Variants in CHEK2 observed in about 807,000 individuals in gnomAD.
CHEK2 encodes the protein serine/threonine-protein kinase Chk2.
In CHEK2, 71 loss-of-function variants were observed where a neutral mutation model predicts 69.1. That is an observed-to-expected ratio of 1.03 (90% CI 0.85 to 1.25). The LOEUF is 1.25. Ranked by LOEUF, CHEK2 falls within the 50% of genes most tolerant of loss-of-function variation. The pLI, the probability that CHEK2 is intolerant of heterozygous loss-of-function variation, is 0.00. For missense variants in CHEK2, 664 were observed against 649.6 expected (o/e 1.02, Z -0.24); for synonymous variants, 189 against 226.9 (o/e 0.83, Z 1.50).
chr22:28,716,552 A>T (rs1368026620), intron 5 of CHEK2, among the ~76,000 whole-genome samples: 1 of 152,202 alleles, frequency 6.6e-6, no homozygotes, highest in African/African-American at 2.4e-5. Flanking sequence ...CAGTGCAAAT[A>T]TGGAAACACA....
chr22:28,734,424 G>T lies in CHEK2; in HGVS notation c.298C>A (p.Gln100Lys), dbSNP rs2054311767. 1 of 1,613,954 alleles carries T rather than the reference G, an allele frequency of 6.2e-7. No homozygotes were observed. Among genetic ancestry groups the T allele is most frequent in the South Asian group, 1.1e-5 (1 of 91,074 alleles). Reference protein sequence around the residue: ...PAPWARLWALQDGFANLECVN... With the variant: ...PAPWARLWALKDGFANLECVN... ...TTACCAAGATTGGCAAATCCATCCTGAAGGGCCCATAATCGAGCCCAGGGG... is the reference window on the plus strand; with the variant it reads ...TTACCAAGATTGGCAAATCCATCCTTAAGGGCCCATAATCGAGCCCAGGGG... Residue 100 changes from glutamine to lysine, a missense_variant, in exon 2 of 15, where the codon CAG becomes AAG. Physicochemically the swap from Gln to Lys is moderately conservative, Grantham distance 53 (BLOSUM62 1). Coordinates refer to ENST00000404276, the MANE Select transcript of CHEK2 (RefSeq NM_007194.4).
At chr22:28,704,114 A>G (rs1167087240) in intron 7 of CHEK2, among the ~76,000 whole-genome samples, 1 of 93,910 alleles carries the variant, frequency 1.1e-5, no homozygotes, top group Non-Finnish European at 2.1e-5. Context: ...AGAGAGAGAG[A>G]CAGACAGACA....
At chr22:28,705,016 T>C (rs1054543181) in intron 7 of CHEK2, among the ~76,000 whole-genome samples, 3 of 151,570 alleles carry the variant, frequency 2.0e-5, no homozygotes, top group Non-Finnish European at 4.4e-5. Context: ...TCAAAGAGTA[T>C]GATACAAGTT....
At chr22:28,733,411 G>C (rs2054275547) in intron 2 of CHEK2, among the ~76,000 whole-genome samples, 2 of 152,162 alleles carry the variant, frequency 1.3e-5, no homozygotes, top group Admixed American at 6.6e-5. Context: ...ACAGCACATT[G>C]TAAATGTCCA....
At chr22:28,703,643 C>A (rs2052989269) in intron 7 of CHEK2, 77 bp from the exon 8 acceptor site, 1 of 922,652 alleles carries the variant, frequency 1.1e-6, no homozygotes, top group Non-Finnish European at 1.7e-6. Flanking sequence ...AGAACATCTG[C>A]CCAGAGGGAC....
chr22:28,703,994 A>C (rs2053002943), intron 7 of CHEK2, among the ~76,000 whole-genome samples: 1 of 152,158 alleles, frequency 6.6e-6, no homozygotes, highest in Non-Finnish European at 1.5e-5. Context: ...GCTCTGGGCA[A>C]CTGGAACCTC....
chr22:28,720,960 C>T (rs930486372), intron 4 of CHEK2, among the ~76,000 whole-genome samples: 1 of 152,166 alleles, frequency 6.6e-6, no homozygotes, highest in South Asian at 2.1e-4. Flanking sequence ...AGAAAACACA[C>T]CTCCCATCTA....
At chr22:28,739,687 T>TCAAA (rs938100055) in intron 1 of CHEK2, among the ~76,000 whole-genome samples, 2 of 151,630 alleles carry the variant, frequency 1.3e-5, no homozygotes, top group Admixed American at 6.6e-5. Context: ...AGACTCTGTC[T>TCAAA]CAAACAAACA....
At chr22:28,703,415 G>A in intron 8 of CHEK2, 90 bp downstream of exon 8, 2 of 762,626 alleles carry the variant, frequency 2.6e-6, no homozygotes, top group Non-Finnish European at 4.6e-6. Flanking sequence ...GGCCCCCCAG[G>A]ATGAGAAAGG....
At chr22:28,719,545 A>G (rs2053700205) in intron 4 of CHEK2, 60 bp from the exon 5 acceptor site, 2 of 949,106 alleles carry the variant, frequency 2.1e-6, no homozygotes. Flanking sequence ...GCGATCACTG[A>G]TTCTAAAATT....
intron 7 of CHEK2, among the ~76,000 whole-genome samples, chr22:28,704,149 C>T (rs993268022): frequency 6.6e-5 from 10 of 151,802 alleles, no homozygotes; most frequent in African/African-American, 2.4e-4. Flanking sequence ...CACACACACA[C>T]ACACACACAC....
chr22:28,693,813 C>T (rs111337338), intron 13 of CHEK2, among the ~76,000 whole-genome samples: 11 of 151,922 alleles, frequency 7.2e-5, no homozygotes, highest in African/African-American at 2.4e-4. Flanking sequence ...GAGCTGAGAT[C>T]GTGCCACTGC....
At position 28,734,662 on chromosome 22, in the gene CHEK2, C is replaced by A. The variant is rs375507194; in HGVS notation, c.60G>T (p.Gln20His). The A allele has an allele frequency of 6.2e-6, 10 of 1,613,916 alleles. No homozygotes were observed. The South Asian group carries it at 1.1e-4, about 18-fold the overall frequency. The change falls in exon 2 of 15, where the codon CAG becomes CAT. Residue 20 changes from glutamine (Q) to histidine (H), a missense_variant. Gln to His is a conservative substitution (Grantham distance 24, BLOSUM62 0). Transcript: ENST00000404276. ...QQSHGSSACS[Q>H]PHGSVTQSQG... The stretch of plus-strand genomic sequence containing the variant: ...GGGACTGGGTAACGCTGCCATGGGG[C>A]TGTGAACAGGCACTGCTGCCATGAG...
chr22:28,708,954 A>T, intron 7 of CHEK2: 1 of 29,108 alleles, frequency 3.4e-5, no homozygotes. Context: ...CTCCGTCTCA[A>T]AAAAAAAAAA....
At chr22:28,728,094 C>G (rs1462898650) in intron 2 of CHEK2, 2 of 152,100 alleles carry the variant, frequency 1.3e-5, no homozygotes, top group Non-Finnish European at 2.9e-5. Flanking sequence ...TTGCACCACT[C>G]ACTCCAGAGT....
rs1555927378 is a variant in CHEK2 at position 28,725,347 on chromosome 22, A to G, written c.340T>C (p.Trp114Arg). ...ANLECVNDNYWFGRDKSCEYC... is the reference protein window; with the variant it reads ...ANLECVNDNYRFGRDKSCEYC... Reference sequence around the variant, plus strand: ...TCACAGCTTTTGTCCCTCCCAAACCAGTAGTTGTCATTCACACATTCTGTA... The same window carrying G: ...TCACAGCTTTTGTCCCTCCCAAACCGGTAGTTGTCATTCACACATTCTGTA... Residue 114 changes from tryptophan (W) to arginine (R), a missense_variant, in exon 3 of 15, where the codon TGG (tryptophan) becomes CGG (arginine). Transcript: ENST00000404276. 2 of 1,614,120 alleles carry G rather than the reference A, an allele frequency of 1.2e-6. No individual in the cohort carries two copies. The highest frequency in any genetic ancestry group is 2.2e-5 in the South Asian group (2 of 91,084).
At chr22:28,724,902 A>C (rs747649463) in intron 4 of CHEK2, 75 bp downstream of exon 4, 3 of 1,478,642 alleles carry the variant, frequency 2.0e-6, no homozygotes, top group Non-Finnish European at 2.8e-6. Flanking sequence ...CATATTCTGT[A>C]AGGACAGGAC....
At chr22:28,730,383 GA>G in intron 2 of CHEK2, 1 of 541,318 alleles carries the variant, frequency 1.8e-6, no homozygotes, top group Non-Finnish European at 3.4e-6. Context: ...AAGGGAAAGA[GA>G]AAGGGAAAGG....
chr22:28,727,608 T>C (rs1422938383), intron 2 of CHEK2, among the ~76,000 whole-genome samples: 2 of 152,108 alleles, frequency 1.3e-5, no homozygotes, highest in Non-Finnish European at 2.9e-5. Flanking sequence ...GCAACTCCTA[T>C]CAGGAAAAGG....
Sources: gnomAD v4.1 joint callset for allele counts (sites outside exome capture counted in the v4.1 genomes callset) on GRCh38, gnomAD v4.1.1 for gene constraint, MANE v1.5 for transcripts, NCBI Gene and HGNC (gene_info 2026-07-23, HGNC 2026-07-21) for gene names.